Variants in LRRC49 observed in about 807,000 individuals in gnomAD.
The protein encoded by LRRC49 is leucine rich repeat containing 49.
In LRRC49, 50 loss-of-function variants were observed where a neutral mutation model predicts 83.3. The ratio of observed to expected loss-of-function variants is 0.60; its 90% CI spans 0.48 to 0.76. The LOEUF is 0.76. LRRC49 is among the 30% of genes least tolerant of loss of function. The pLI is 0.00. For synonymous variants in LRRC49, 286 were observed against 283.3 expected, an observed-to-expected ratio of 1.01 and a Z score of -0.10; for missense variants, 704 against 809.1, an observed-to-expected ratio of 0.87 and a Z score of 1.58.
intron 8 of LRRC49, among the ~76,000 whole-genome samples, chr15:70,959,730 C>T (rs1269272274): frequency 6.6e-6 from 1 of 151,984 alleles, no homozygotes; most frequent in Non-Finnish European, 1.5e-5. Context: ...TTATAGATAT[C>T]AACAATTGAA....
rs1292093462 is a variant in LRRC49, at chr15:71,050,679, A to G, written c.*1067A>G. ...ACAGCAAAGACATGCAGAGACATGCAGAGACACCTGGAAGGAAGCTAGGTA... is the reference window on the plus strand; with the variant it reads ...ACAGCAAAGACATGCAGAGACATGCGGAGACACCTGGAAGGAAGCTAGGTA... On this transcript the variant is annotated 3_prime_UTR_variant, in exon 16 of 16. Transcript: ENST00000260382. 1.3e-5 allele frequency: 2 copies of G among 152,244 alleles called. No individual in the cohort carries two copies. Among genetic ancestry groups the G allele is most frequent in the Admixed American group, 6.5e-5 (1 of 15,282 alleles). 9.4% of individuals were successfully genotyped at this position (152,244 alleles called of 1,614,324 possible).
At chr15:70,894,550 T>C (rs960024046) in intron 2 of LRRC49, 74 of 976,356 alleles carry the variant, frequency 7.6e-5, no homozygotes, top group Non-Finnish European at 9.7e-5. Context: ...CATGTTTTTC[T>C]TTCCTTTCTG....
At chr15:70,928,206 T>G (rs1285634629) in intron 7 of LRRC49, among the ~76,000 whole-genome samples, 1 of 152,214 alleles carries the variant, frequency 6.6e-6, no homozygotes, top group East Asian at 1.9e-4. Context: ...CACTTTTAGT[T>G]CTAGCTCTTT....
chr15:70,919,617 G>C (rs910588644), intron 7 of LRRC49, among the ~76,000 whole-genome samples: 2 of 152,182 alleles, frequency 1.3e-5, no homozygotes, highest in African/African-American at 4.8e-5. Flanking sequence ...AGTTTTTAAA[G>C]AGGAGCTTGG....
intron 11 of LRRC49, among the ~76,000 whole-genome samples, chr15:70,984,898 C>A (rs973510823): frequency 2.3e-4 from 35 of 150,426 alleles, no homozygotes; most frequent in Non-Finnish European, 4.6e-4. Flanking sequence ...TCTGTTCTTG[C>A]GATAGTTTAC....
chr15:70,992,957 CA>C (rs2037941308), intron 11 of LRRC49, among the ~76,000 whole-genome samples: 1 of 152,310 alleles, frequency 6.6e-6, no homozygotes, highest in East Asian at 1.9e-4. Context: ...GCATTTTGTT[CA>C]GCTATGCCCT....
At chr15:70,976,702 T>G (rs2037218705) in intron 9 of LRRC49, among the ~76,000 whole-genome samples, 1 of 152,134 alleles carries the variant, frequency 6.6e-6, no homozygotes, top group Non-Finnish European at 1.5e-5. Context: ...CCCCCCCAAC[T>G]TATTTATTTT....
At chr15:70,868,020 C>A (rs1334979188) in intron 1 of LRRC49, among the ~76,000 whole-genome samples, 1 of 147,556 alleles carries the variant, frequency 6.8e-6, no homozygotes, top group East Asian at 2.0e-4. Context: ...GAGTGTTTTT[C>A]CTTCTCTTTG....
At chr15:70,957,903 T>C (rs1295518301) in intron 8 of LRRC49, among the ~76,000 whole-genome samples, 1 of 152,200 alleles carries the variant, frequency 6.6e-6, no homozygotes, top group Non-Finnish European at 1.5e-5. Flanking sequence ...ATATTTTTTA[T>C]AGTTTAAAAT....
intron 1 of LRRC49, chr15:70,860,200 G>A (rs2032754745): frequency 6.4e-6 from 4 of 629,188 alleles, no homozygotes; most frequent in East Asian, 2.6e-5. Flanking sequence ...CCCCTCCTGC[G>A]GCTGCCCCAG....
chr15:70,883,391 A>G (rs1179778841), intron 2 of LRRC49, among the ~76,000 whole-genome samples: 2 of 152,052 alleles, frequency 1.3e-5, no homozygotes, highest in Non-Finnish European at 2.9e-5. Context: ...ACAGGGTTTC[A>G]CCATGTTAGC....
At chr15:70,881,026 C>T (rs547099733) in intron 2 of LRRC49, among the ~76,000 whole-genome samples, 6 of 152,114 alleles carry the variant, frequency 3.9e-5, no homozygotes, top group African/African-American at 1.4e-4. Flanking sequence ...GAGTTTGAGA[C>T]CAGTCTGGGC....
At chr15:70,900,321 C>A in intron 3 of LRRC49, 1 of 379,774 alleles carries the variant, frequency 2.6e-6, no homozygotes, top group Non-Finnish European at 5.2e-6. Context: ...CTGACATCCA[C>A]TTTGGTATCT....
At chr15:70,964,457 C>T (rs765144399) in intron 9 of LRRC49, among the ~76,000 whole-genome samples, 1 of 152,050 alleles carries the variant, frequency 6.6e-6, no homozygotes, top group Non-Finnish European at 1.5e-5. Context: ...CTTTAGACTG[C>T]GAGGCTCCTA....
chr15:70,860,276 A>G (rs2032757234), intron 1 of LRRC49: 1 of 569,832 alleles, frequency 1.8e-6, no homozygotes, highest in African/African-American at 1.9e-5. Flanking sequence ...GGCTCAGCCC[A>G]AGCCCTCAGC....
chr15:70,945,249 C>T (rs1048004492), intron 8 of LRRC49, among the ~76,000 whole-genome samples: 3 of 152,170 alleles, frequency 2.0e-5, no homozygotes, highest in African/African-American at 4.8e-5. Flanking sequence ...GGCAGAAAGC[C>T]GAGATGAACG....
At chr15:70,920,978 A>C (rs1258687124) in intron 7 of LRRC49, among the ~76,000 whole-genome samples, 1 of 152,094 alleles carries the variant, frequency 6.6e-6, no homozygotes, top group Non-Finnish European at 1.5e-5. Flanking sequence ...CAGTTACCAC[A>C]CTTATTCTTC....
At chr15:70,985,945 T>G (rs1008610238) in intron 11 of LRRC49, among the ~76,000 whole-genome samples, 2 of 144,766 alleles carry the variant, frequency 1.4e-5, no homozygotes, top group African/African-American at 5.1e-5. Flanking sequence ...GTTGTAGATA[T>G]GCGGCGTTAT....
intron 3 of LRRC49, 52 bp from the exon 4 acceptor site, chr15:70,900,870 C>A: frequency 9.1e-7 from 1 of 1,098,586 alleles, no homozygotes; most frequent in Non-Finnish European, 1.4e-6. Context: ...ACTTTAGTTT[C>A]AGACTTCGAA....
Sources: allele counts gnomAD v4.1 joint callset (sites outside exome capture counted in the v4.1 genomes callset), GRCh38; gene constraint gnomAD v4.1.1; transcripts MANE v1.5; gene names NCBI Gene and HGNC (gene_info 2026-07-23, HGNC 2026-07-21).